Variants in SPHKAP observed in about 807,000 individuals in gnomAD.
SPHKAP encodes A-kinase anchor protein SPHKAP.
In SPHKAP, 67 loss-of-function variants were observed where a neutral mutation model predicts 137.5. The ratio of observed to expected loss-of-function variants is 0.49; its 90% CI spans 0.40 to 0.60. The LOEUF (loss-of-function observed/expected upper bound fraction) is 0.60. Among genes scored for constraint, SPHKAP ranks in the 20% least tolerant of loss-of-function variants. The pLI, the probability that SPHKAP is intolerant of heterozygous loss-of-function variation, is 0.00. For synonymous variants in SPHKAP, 813 were observed against 785.3 expected (o/e 1.04, Z -0.59); for missense variants, 2,097 against 2,069.3 (o/e 1.01, Z -0.26).
At chr2:228,086,826 C>T (rs993379053) in intron 3 of SPHKAP, among the ~76,000 whole-genome samples, 1 of 152,154 alleles carries the variant, frequency 6.6e-6, no homozygotes, top group African/African-American at 2.4e-5. Flanking sequence ...AAAACAATAG[C>T]CCCAGTTAAT....
chr2:228,083,266 T>A (rs1333016984), intron 3 of SPHKAP, among the ~76,000 whole-genome samples: 1 of 152,248 alleles, frequency 6.6e-6, no homozygotes, highest in Non-Finnish European at 1.5e-5. Context: ...CCTTAAGAAA[T>A]GATGCCAGAA....
rs55897294 is a variant in SPHKAP, at chr2:228,158,326, C to CTTTTTTTTTTT, written c.32+23230_32+23240dup. On this transcript the variant is annotated intron_variant, in intron 1 of 11. Transcript: ENST00000392056. The stretch of plus-strand genomic sequence containing the variant: ...AATTGTAATTGTAATTTACTTCTTT[C>CTTTTTTTTTTT]TTTTTTTTTTTTTTTTTAGCACAGT... 7.5e-5 allele frequency among the ~76,000 whole-genome samples: 10 copies of CTTTTTTTTTTT among 133,086 alleles called. 2 individuals are homozygous for CTTTTTTTTTTT. Among genetic ancestry groups the CTTTTTTTTTTT allele is most frequent in the African/African-American group, 1.7e-4 (6 of 35,978 alleles). The allele number at this position is 133,086 out of a possible 152,430, so 87.3% of individuals were successfully genotyped here.
chr2:227,989,713 C>G lies in SPHKAP; in HGVS notation c.4959+1287G>C, dbSNP rs571072236. ...CTCCACTTCCTGGGTTCAAGCGATT[C>G]TCCTGTCTCAGCCTCCCGAGTAGCC... is the stretch of plus-strand genomic sequence containing the variant. On this transcript the variant is annotated intron_variant, in intron 11 of 11. Coordinates refer to ENST00000392056, the MANE Select transcript of SPHKAP (RefSeq NM_001142644.2). Among the ~76,000 whole-genome samples the G allele has an allele frequency of 1.1e-4, 16 of 152,014 alleles. No individual in the cohort carries two copies. In the East Asian group the frequency reaches 2.9e-3, roughly 28 times the overall value.
chr2:228,113,987 G>C (rs1464757506), intron 2 of SPHKAP, among the ~76,000 whole-genome samples: 1 of 152,134 alleles, frequency 6.6e-6, no homozygotes, highest in Non-Finnish European at 1.5e-5. Context: ...ATTAGGAAAA[G>C]AAGAATGCTT....
intron 7 of SPHKAP, among the ~76,000 whole-genome samples, chr2:228,015,857 G>C (rs1465360529): frequency 2.0e-5 from 3 of 151,994 alleles, no homozygotes; most frequent in Admixed American, 2.0e-4. Context: ...AATGAGAGGA[G>C]AGAAAAATGA....
In SPHKAP at chr2:228,181,048, A is replaced by T. The variant is rs1288969980; in HGVS notation, c.32+519T>A. ...ACCTAGGTGTTTTCTGCCCTGTCTTAAGATCTCGCTTTGGGGGCAGTCTAG... is the reference window on the plus strand; with the variant it reads ...ACCTAGGTGTTTTCTGCCCTGTCTTTAGATCTCGCTTTGGGGGCAGTCTAG... On this transcript the variant is annotated intron_variant, in intron 1 of 11. Coordinates refer to ENST00000392056, the MANE Select transcript of SPHKAP (RefSeq NM_001142644.2). The surrounding 1 kb of genome is among the most constrained non-coding windows in gnomAD (Gnocchi z 4.3). Among the ~76,000 whole-genome samples the T allele has an allele frequency of 6.6e-6, 1 of 151,882 alleles. No individual in the cohort carries two copies. The highest frequency in any genetic ancestry group is 1.5e-5 in the Non-Finnish European group (1 of 67,978).
intron 7 of SPHKAP, among the ~76,000 whole-genome samples, chr2:228,001,658 G>A (rs917912776): frequency 3.3e-5 from 5 of 151,158 alleles, no homozygotes; most frequent in Admixed American, 6.6e-5. Context: ...CCATGTTGGT[G>A]TGCTGCACCC....
intron 3 of SPHKAP, among the ~76,000 whole-genome samples, chr2:228,084,318 G>T (rs555198110): frequency 6.6e-6 from 1 of 152,042 alleles, no homozygotes; most frequent in Admixed American, 6.6e-5. Context: ...AGTTAATAAT[G>T]GTTATATCAA....
At chr2:227,993,252 T>A (rs545647490) in intron 9 of SPHKAP, among the ~76,000 whole-genome samples, 14 of 152,352 alleles carry the variant, frequency 9.2e-5, no homozygotes, top group Middle Eastern at 3.4e-3. Flanking sequence ...AATGGGTTCT[T>A]GCTTCTGTTT....
chr2:228,130,052 T>C, intron 2 of SPHKAP, among the ~76,000 whole-genome samples: 1 of 152,150 alleles, frequency 6.6e-6, no homozygotes, highest in Non-Finnish European at 1.5e-5. Flanking sequence ...CACCTCGTAC[T>C]CCCAAAGTGC....
chr2:227,990,164 T>C (rs1020536386), intron 11 of SPHKAP, among the ~76,000 whole-genome samples: 15 of 152,186 alleles, frequency 9.9e-5, no homozygotes, highest in African/African-American at 3.4e-4. Context: ...AACTTTTGGA[T>C]AAGTGCCCAG....
chr2:228,163,374 A>G (rs1700331693), intron 1 of SPHKAP, among the ~76,000 whole-genome samples: 1 of 152,200 alleles, frequency 6.6e-6, no homozygotes, highest in South Asian at 2.1e-4. Context: ...TATTTATTAT[A>G]CATGTATCAA....
At chr2:228,111,164 C>T (rs1428443490) in intron 2 of SPHKAP, among the ~76,000 whole-genome samples, 2 of 152,134 alleles carry the variant, frequency 1.3e-5, no homozygotes, top group Non-Finnish European at 2.9e-5. Context: ...ATTCACATGC[C>T]TTTCCCTTGT....
chr2:228,018,493 A>C lies in SPHKAP; in HGVS notation c.2361T>G (p.Leu787=). ...SHNTSLVINN[L]VDGMYSKQDK... is the part of the protein sequence containing the mutation. ...CTTGTTTTGAATACATGCCATCCAC[A>C]AGATTGTTGATGACAAGACTCGTGT... The change falls in exon 7 of 12, where the codon CTT becomes CTG. Residue 787 remains leucine, a synonymous_variant. Coordinates refer to ENST00000392056, the MANE Select transcript of SPHKAP (RefSeq NM_001142644.2). 6.2e-7 allele frequency: 1 copy of C among 1,614,138 alleles called. No homozygotes were observed. Among genetic ancestry groups the C allele is most frequent in the Non-Finnish European group, 8.5e-7 (1 of 1,180,012 alleles).
In SPHKAP at chr2:228,175,288, T is replaced by A. The variant is rs546928935; in HGVS notation, c.32+6279A>T. Among the ~76,000 whole-genome samples the A allele has an allele frequency of 7.1e-4, 106 of 149,150 alleles. 1 individual carries two copies. Among genetic ancestry groups the A allele is most frequent in the Admixed American group, 1.6e-3 (24 of 14,988 alleles). ...AATGAAATGTCAGAAATGGAATAAATGAAGGTTTTTTTTCATATTTCTAAT... is the reference window on the plus strand; with the variant it reads ...AATGAAATGTCAGAAATGGAATAAAAGAAGGTTTTTTTTCATATTTCTAAT... On this transcript the variant is annotated intron_variant, in intron 1 of 11. Coordinates refer to ENST00000392056, the MANE Select transcript of SPHKAP (RefSeq NM_001142644.2).
intron 3 of SPHKAP, among the ~76,000 whole-genome samples, chr2:228,098,784 G>C (rs1161384894): frequency 6.9e-6 from 1 of 145,862 alleles, no homozygotes; most frequent in African/African-American, 2.5e-5. Context: ...AAAAGTGTCT[G>C]TTCATGGCCT....
intron 3 of SPHKAP, among the ~76,000 whole-genome samples, chr2:228,036,584 G>T (rs554231281): frequency 6.3e-4 from 96 of 152,052 alleles, no homozygotes; most frequent in African/African-American, 2.1e-3. Flanking sequence ...ACATGCACAC[G>T]TATGTTTATT....
At chr2:228,137,853 C>T (rs1699483950) in intron 1 of SPHKAP, among the ~76,000 whole-genome samples, 1 of 152,164 alleles carries the variant, frequency 6.6e-6, no homozygotes, top group African/African-American at 2.4e-5. Context: ...TTATTTTACC[C>T]TCTTAAATTA....
chr2:228,148,935 C>A (rs1207639949), intron 1 of SPHKAP, among the ~76,000 whole-genome samples: 1 of 152,180 alleles, frequency 6.6e-6, no homozygotes, highest in Non-Finnish European at 1.5e-5. Flanking sequence ...TGTTAAAACT[C>A]AGGAAAGAGT....
Sources: gnomAD v4.1 joint callset for allele counts (sites outside exome capture counted in the v4.1 genomes callset) on GRCh38, gnomAD v4.1.1 for gene constraint, Gnocchi (gnomAD v3.1) non-coding constraint, MANE v1.5 for transcripts, NCBI Gene and HGNC (gene_info 2026-07-23, HGNC 2026-07-21) for gene names.